Variants in LNP1 observed in about 807,000 individuals in gnomAD.
The protein encoded by LNP1 is leukemia NUP98 fusion partner 1.
In LNP1, 12 loss-of-function variants were observed where a neutral mutation model predicts 14.5. The observed-to-expected ratio is 0.83, with a 90% CI of 0.53 to 1.34. LNP1 has a LOEUF of 1.34. Ranked by LOEUF, LNP1 falls within the 40% of genes most tolerant of loss-of-function variation. The pLI is 0.00. For missense variants in LNP1, 198 were observed against 210.9 expected (o/e 0.94, Z 0.38); for synonymous variants, 75 against 71.4 (o/e 1.05, Z -0.26).
At chr3:100,405,809 C>A (rs1473832372) in intron 1 of LNP1, among the ~76,000 whole-genome samples, 2 of 152,176 alleles carry the variant, frequency 1.3e-5, no homozygotes, top group Non-Finnish European at 2.9e-5. Flanking sequence ...TATGTGTCAC[C>A]CTGCACCTTG....
chr3:100,417,339 ACTTTTT>A (rs1483824495), intron 1 of LNP1, among the ~76,000 whole-genome samples: 5 of 130,800 alleles, frequency 3.8e-5, no homozygotes, highest in African/African-American at 8.8e-5. Flanking sequence ...TATACAGTAT[ACTTTTT>A]CTTTTTCTTT....
At chr3:100,420,405 G>A (rs1264727142) in intron 1 of LNP1, among the ~76,000 whole-genome samples, 3 of 151,970 alleles carry the variant, frequency 2.0e-5, no homozygotes, top group African/African-American at 7.3e-5. Flanking sequence ...TCAACCTCCC[G>A]AGCTCAAGCG....
intron 2 of LNP1, among the ~76,000 whole-genome samples, chr3:100,447,529 C>G (rs1707399754): frequency 6.6e-6 from 1 of 151,942 alleles, no homozygotes; most frequent in Non-Finnish European, 1.5e-5. Context: ...AGCAAACCAA[C>G]CTGACACATG....
At position 100,451,947 on chromosome 3, in the gene LNP1, T is replaced by G; in HGVS notation, c.385T>G (p.Leu129Val). 6.2e-7 allele frequency: 1 copy of G among 1,606,896 alleles called. No homozygotes were observed. The highest frequency in any genetic ancestry group is 8.5e-7 in the Non-Finnish European group (1 of 1,175,278). ...CTTTAGAACCAAGCGTTCTGCCTCT[T>G]TGGTATGTAACAGAGCTACTGAATA... ...LCFRTKRSAS[L>V]GPESRKERNE... Residue 129 changes from leucine (L) to valine (V), a missense_variant and splice_region_variant, in exon 3 of 4, where the codon TTG becomes GTG. Transcript: ENST00000383693.
intron 2 of LNP1, among the ~76,000 whole-genome samples, chr3:100,440,705 C>A (rs1707336391): frequency 6.6e-6 from 1 of 152,148 alleles, no homozygotes; most frequent in East Asian, 1.9e-4. Context: ...AGGCAAGGTG[C>A]TGGGTACTAG....
At chr3:100,416,597 T>TGTG (rs1559840688) in intron 1 of LNP1, among the ~76,000 whole-genome samples, 17 of 110,586 alleles carry the variant, frequency 1.5e-4, no homozygotes, top group African/African-American at 2.5e-4. Flanking sequence ...AGTATATCTT[T>TGTG]TTTGTGTGTG....
At chr3:100,434,234 AT>A (rs1159394823) in intron 2 of LNP1, among the ~76,000 whole-genome samples, 1 of 152,186 alleles carries the variant, frequency 6.6e-6, no homozygotes, top group East Asian at 1.9e-4. Flanking sequence ...TCCTGAGTTA[AT>A]TTTTGTAAAA....
chr3:100,455,503 A>AC (rs1707501670), intron 3 of LNP1, among the ~76,000 whole-genome samples: 1 of 152,104 alleles, frequency 6.6e-6, no homozygotes, highest in South Asian at 2.1e-4. Flanking sequence ...ATGAAATCAC[A>AC]CCCCTCAGTA....
At chr3:100,440,205 G>A (rs1707333005) in intron 2 of LNP1, among the ~76,000 whole-genome samples, 1 of 152,114 alleles carries the variant, frequency 6.6e-6, no homozygotes, top group Non-Finnish European at 1.5e-5. Context: ...CACCCTAATG[G>A]CCTCATTTAA....
intron 1 of LNP1, among the ~76,000 whole-genome samples, chr3:100,428,263 G>T (rs1707212796): frequency 6.6e-6 from 1 of 152,174 alleles, no homozygotes; most frequent in Non-Finnish European, 1.5e-5. Context: ...ATCTGGCGTG[G>T]TGGCTCACGC....
intron 1 of LNP1, among the ~76,000 whole-genome samples, chr3:100,415,662 C>T (rs1707075917): frequency 6.6e-6 from 1 of 152,176 alleles, no homozygotes; most frequent in African/African-American, 2.4e-5. Flanking sequence ...ACACACTGCA[C>T]ACACAAGAAA....
rs1480142588 is a variant in LNP1 at position 100,456,117 on chromosome 3, C to T, written c.*191C>T. On this transcript the variant is annotated 3_prime_UTR_variant, in exon 4 of 4. Transcript: ENST00000383693. Reference sequence around the variant, plus strand: ...CTCCAAGATGACTTGCATCATACCCCAATTACTGCTGGCATCTTAGTTGAG... The same window carrying T: ...CTCCAAGATGACTTGCATCATACCCTAATTACTGCTGGCATCTTAGTTGAG... 5.7e-6 allele frequency: 3 copies of T among 526,360 alleles called. No individual in the cohort carries two copies. The East Asian group carries it at 9.6e-5, about 17-fold the overall frequency. The allele number at this position is 526,360 out of a possible 1,614,324, so 32.6% of individuals were successfully genotyped here.
At chr3:100,428,753 A>T (rs1576230972) in intron 1 of LNP1, among the ~76,000 whole-genome samples, 2 of 152,292 alleles carry the variant, frequency 1.3e-5, no homozygotes, top group Non-Finnish European at 2.9e-5. Context: ...CTGAATTTTT[A>T]AAAAATTGTG....
intron 2 of LNP1, among the ~76,000 whole-genome samples, chr3:100,448,877 A>G (rs916505437): frequency 4.6e-5 from 7 of 152,072 alleles, no homozygotes; most frequent in African/African-American, 1.7e-4. Flanking sequence ...TTTTTTTCCT[A>G]TCTTAGACAT....
chr3:100,430,171 G>A (rs984938583), intron 2 of LNP1, among the ~76,000 whole-genome samples: 6 of 152,078 alleles, frequency 3.9e-5, no homozygotes, highest in Non-Finnish European at 5.9e-5. Context: ...ACTGAGTGAC[G>A]GAATTTAAGC....
intron 2 of LNP1, among the ~76,000 whole-genome samples, chr3:100,434,145 C>T (rs535723512): frequency 1.3e-5 from 2 of 152,180 alleles, no homozygotes; most frequent in African/African-American, 2.4e-5. Flanking sequence ...TTGCCCACGC[C>T]TATGTCCTGA....
intron 1 of LNP1, 67 bp from the exon 2 acceptor site, chr3:100,429,630 C>T: frequency 1.9e-6 from 2 of 1,058,012 alleles, no homozygotes; most frequent in Admixed American, 2.3e-5. Flanking sequence ...TTCATTTTGT[C>T]TTTTGGGAGA....
intron 2 of LNP1, among the ~76,000 whole-genome samples, chr3:100,441,209 A>G (rs375126454): frequency 6.6e-6 from 1 of 152,314 alleles, no homozygotes; most frequent in South Asian, 2.1e-4. Flanking sequence ...AAGCAAGGAA[A>G]CAGTGTTTTC....
At chr3:100,433,253 G>T (rs1707258953) in intron 2 of LNP1, among the ~76,000 whole-genome samples, 1 of 152,068 alleles carries the variant, frequency 6.6e-6, no homozygotes, top group South Asian at 2.1e-4. Context: ...TGTGTGCGTT[G>T]TTCCCCTCCC....
Sources: allele counts gnomAD v4.1 joint callset (sites outside exome capture counted in the v4.1 genomes callset), GRCh38; gene constraint gnomAD v4.1.1; transcripts MANE v1.5; gene names NCBI Gene and HGNC (gene_info 2026-07-23, HGNC 2026-07-21).